SHOC1: variants seen among roughly 807,000 people sequenced by gnomAD.
SHOC1 encodes the protein shortage in chiasmata 1, also known as protein shortage in chiasmata 1 ortholog.
In SHOC1, 136 loss-of-function variants were observed where a neutral mutation model predicts 179.2. The ratio of observed to expected loss-of-function variants is 0.76; its 90% CI spans 0.66 to 0.87. The LOEUF (loss-of-function observed/expected upper bound fraction) is 0.87. SHOC1 is among the 40% of genes least tolerant of loss of function. The pLI is 0.00. For missense variants in SHOC1, 1,538 were observed against 1,700.8 expected (o/e 0.90, Z 1.68); for synonymous variants, 489 against 586.6 (o/e 0.83, Z 2.41).
chr9:111,735,233 G>C (rs1016204781), intron 12 of SHOC1, among the ~76,000 whole-genome samples: 3 of 151,838 alleles, frequency 2.0e-5, no homozygotes. Flanking sequence ...TGTGCAGAAC[G>C]TGTAGGTTTG....
At chr9:111,730,226 A>C (rs1331659453) in intron 12 of SHOC1, among the ~76,000 whole-genome samples, 1 of 152,162 alleles carries the variant, frequency 6.6e-6, no homozygotes, top group African/African-American at 2.4e-5. Flanking sequence ...GGTTCAAATC[A>C]ACTTTTTTCT....
At chr9:111,772,491 A>G (rs1237102945) in intron 5 of SHOC1, among the ~76,000 whole-genome samples, 2 of 152,106 alleles carry the variant, frequency 1.3e-5, no homozygotes, top group African/African-American at 4.8e-5. Flanking sequence ...GTATATGTCT[A>G]TGTCTTTGCA....
intron 8 of SHOC1, among the ~76,000 whole-genome samples, chr9:111,755,527 T>C (rs758063783): frequency 4.6e-5 from 7 of 152,214 alleles, no homozygotes; most frequent in Admixed American, 3.9e-4. Context: ...TTTGGGCTTA[T>C]ACTGTCATTA....
At chr9:111,740,791 C>T (rs1168831337) in intron 11 of SHOC1, among the ~76,000 whole-genome samples, 3 of 152,142 alleles carry the variant, frequency 2.0e-5, no homozygotes, top group African/African-American at 4.8e-5. Context: ...AGACTGGTCT[C>T]GAACTCCTGG....
chr9:111,692,956 T>C (rs1034977409), intron 26 of SHOC1, among the ~76,000 whole-genome samples: 1 of 152,142 alleles, frequency 6.6e-6, no homozygotes, highest in Admixed American at 6.5e-5. Context: ...ACAATAATAT[T>C]CCAAAATGAT....
intron 21 of SHOC1, among the ~76,000 whole-genome samples, 172 bp from the exon 22 acceptor site, chr9:111,704,164 T>C (rs1056509792): frequency 2.6e-5 from 4 of 152,232 alleles, no homozygotes; most frequent in African/African-American, 9.6e-5. Flanking sequence ...ATTTTTTCAG[T>C]ATATAAAACA....
At chr9:111,790,768 G>A (rs1050832070) in intron 2 of SHOC1, among the ~76,000 whole-genome samples, 5 of 151,976 alleles carry the variant, frequency 3.3e-5, no homozygotes, top group Non-Finnish European at 5.9e-5. Flanking sequence ...GGCTGGTCTC[G>A]AACTCTTGAC....
chr9:111,789,231 T>G (rs1232036668), intron 2 of SHOC1, among the ~76,000 whole-genome samples: 3 of 152,168 alleles, frequency 2.0e-5, no homozygotes, highest in Admixed American at 6.5e-5. Context: ...AGAAAAAGAT[T>G]ACTTAAGGTA....
intron 7 of SHOC1, among the ~76,000 whole-genome samples, chr9:111,757,163 A>G (rs1834901757): frequency 6.6e-6 from 1 of 152,148 alleles, no homozygotes; most frequent in African/African-American, 2.4e-5. Flanking sequence ...GCTGGAGTGC[A>G]GTGGTGCGAT....
chr9:111,691,486 G>T, intron 27 of SHOC1, 65 bp downstream of exon 27: 3 of 1,427,088 alleles, frequency 2.1e-6, no homozygotes, highest in Non-Finnish European at 2.8e-6. Context: ...TGTTAAATTT[G>T]GAGATGATTT....
At chr9:111,775,462 A>G (rs1322854762) in intron 5 of SHOC1, among the ~76,000 whole-genome samples, 1 of 152,190 alleles carries the variant, frequency 6.6e-6, no homozygotes, top group Non-Finnish European at 1.5e-5. Flanking sequence ...TCACTTCATA[A>G]TATAGTAATT....
At chr9:111,755,007 A>G (rs1329975537) in intron 8 of SHOC1, among the ~76,000 whole-genome samples, 3 of 152,148 alleles carry the variant, frequency 2.0e-5, no homozygotes, top group Non-Finnish European at 4.4e-5. Flanking sequence ...TTTTATTATT[A>G]TTGTTGTGAC....
rs1473770024 is a variant in SHOC1, at chr9:111,697,877, G to A, written c.3183+2077C>T. Among the ~76,000 whole-genome samples the A allele has an allele frequency of 6.6e-5, 10 of 152,094 alleles. 1 individual carries two copies. The highest frequency in any genetic ancestry group is 2.1e-4 in the South Asian group (1 of 4,828). The stretch of plus-strand genomic sequence containing the variant: ...TGTTGTTTCCTGATTTTTAATGATC[G>A]CCATTCTAACTGGTGTGAGATGGTA... On this transcript the variant is annotated intron_variant, in intron 24 of 27. Coordinates refer to ENST00000682961, the MANE Select transcript of SHOC1 (RefSeq NM_001378211.1).
intron 5 of SHOC1, among the ~76,000 whole-genome samples, chr9:111,762,904 A>G (rs1290195851): frequency 6.6e-6 from 1 of 152,138 alleles, no homozygotes; most frequent in East Asian, 1.9e-4. Flanking sequence ...AGGAAGAAAC[A>G]GCCATCATTC....
intron 14 of SHOC1, among the ~76,000 whole-genome samples, chr9:111,723,001 C>T (rs574467654): frequency 6.6e-6 from 1 of 152,124 alleles, no homozygotes; most frequent in South Asian, 2.1e-4. Flanking sequence ...AGGATGGTCT[C>T]GATCTCTTGA....
rs1831561742 is a variant in SHOC1, at chr9:111,693,869, T to A, written c.3395A>T (p.His1132Leu). The A allele has an allele frequency of 1.2e-6, 2 of 1,611,840 alleles. No individual in the cohort carries two copies. The highest frequency in any genetic ancestry group is 2.7e-5 in the African/African-American group (2 of 74,870). Reference sequence around the variant, plus strand: ...ACACAGAGTTGCTAATAATATCCAATGCAGTGAAGGTCCTTTATTTAGCAT... The same window carrying A: ...ACACAGAGTTGCTAATAATATCCAAAGCAGTGAAGGTCCTTTATTTAGCAT... The part of the protein sequence containing the change: ...QLMLNKGPSL[H>L]WILLATLCQL... The change falls in exon 26 of 28, where the codon CAT becomes CTT. Residue 1132 changes from histidine to leucine, a missense_variant. Transcript: ENST00000682961.
At chr9:111,696,540 T>G (rs1454900820) in intron 24 of SHOC1, among the ~76,000 whole-genome samples, 1 of 152,188 alleles carries the variant, frequency 6.6e-6, no homozygotes, top group South Asian at 2.1e-4. Context: ...GCTTTTTAGA[T>G]TATTATGTAA....
At chr9:111,692,658 G>T in intron 26 of SHOC1, 147 bp from the exon 27 acceptor site, 1 of 488,110 alleles carries the variant, frequency 2.0e-6, no homozygotes, top group Non-Finnish European at 3.5e-6. Context: ...GAAATCATTA[G>T]GCTCTATTAA....
intron 18 of SHOC1, among the ~76,000 whole-genome samples, chr9:111,712,498 T>C (rs554375008): frequency 6.6e-6 from 1 of 152,222 alleles, no homozygotes; most frequent in South Asian, 2.1e-4. Flanking sequence ...GGAAGTAGTA[T>C]CATGCGGAGA....
Sources: allele counts gnomAD v4.1 joint callset (sites outside exome capture counted in the v4.1 genomes callset), GRCh38; gene constraint gnomAD v4.1.1; transcripts MANE v1.5; gene names NCBI Gene and HGNC (gene_info 2026-07-23, HGNC 2026-07-21).